Variants in DNAH2 observed in about 807,000 individuals in gnomAD.
DNAH2 encodes the protein dynein axonemal heavy chain 2, also known as axonemal beta dynein heavy chain 2.
A neutral mutation model predicts 523.5 loss-of-function variants in DNAH2; 323 were observed. The ratio of observed to expected loss-of-function variants is 0.62; its 90% CI spans 0.56 to 0.68. The LOEUF (loss-of-function observed/expected upper bound fraction) is 0.68, where lower values mean the gene tolerates loss of function less well. Ranked by LOEUF, DNAH2 falls within the 30% of genes least tolerant of loss-of-function variation. The pLI, the probability that DNAH2 is intolerant of heterozygous loss-of-function variation, is 0.00. For missense variants in DNAH2, 4,907 were observed against 5,701.5 expected, an observed-to-expected ratio of 0.86 and a Z score of 4.49; for synonymous variants, 2,093 against 2,177.4, an observed-to-expected ratio of 0.96 and a Z score of 1.08.
intron 63 of DNAH2, among the ~76,000 whole-genome samples, chr17:7,809,989 A>G (rs1323182564): frequency 6.6e-6 from 1 of 150,926 alleles, no homozygotes. Flanking sequence ...GTGCCCCGAA[A>G]TGTACCTTCC....
In DNAH2 at chr17:7,810,937, C is replaced by T. The variant is rs913667342; in HGVS notation, c.9729+3351C>T. Among the ~76,000 whole-genome samples, 12 of 152,330 alleles carry T rather than the reference C, an allele frequency of 7.9e-5. No homozygotes were observed. The South Asian group carries it at 2.5e-3, about 32-fold the overall frequency. Reference sequence around the variant, plus strand: ...ATAGCTTTAGCCATTACTCACTTGTCAGCTAGTTCTGATATACAACAAGGG... The same window carrying T: ...ATAGCTTTAGCCATTACTCACTTGTTAGCTAGTTCTGATATACAACAAGGG... On this transcript the variant is annotated intron_variant, in intron 63 of 85. Transcript: ENST00000572933.
chr17:7,734,220 C>T lies in DNAH2; in HGVS notation c.666C>T (p.Tyr222=). The T allele has an allele frequency of 1.9e-6, 3 of 1,605,132 alleles. No individual in the cohort carries two copies. The highest frequency in any genetic ancestry group is 2.6e-6 in the Non-Finnish European group (3 of 1,175,504). ...RYKLEGHTVL[Y]IPAEAMNMKP... is the part of the protein sequence containing the mutation. ...AACTGGAGGGGCACACGGTCCTCTA[C>T]ATCCCTGCAGAGGCCATGAACATGA... The change falls in exon 6 of 86, where the codon TAC becomes TAT. Residue 222 remains tyrosine (Y), a synonymous_variant. Transcript: ENST00000572933.
In DNAH2 at chr17:7,833,718, T is replaced by C. The variant is rs1266371740; in HGVS notation, c.*185T>C. On this transcript the variant is annotated 3_prime_UTR_variant, in exon 86 of 86. Transcript: ENST00000572933. ...GTGAAAGAGTTGTATTGGAGCTCAG[T>C]GCTGTAAAACACCCGCGACAACAAG... The C allele has an allele frequency of 3.6e-6, 3 of 824,046 alleles. No homozygotes were observed. Among genetic ancestry groups the C allele is most frequent in the Admixed American group, 4.0e-5 (2 of 49,858 alleles). 51.0% of individuals were successfully genotyped at this position (824,046 alleles called of 1,614,324 possible).
At chr17:7,772,839 T>C (rs1291273115) in intron 28 of DNAH2, among the ~76,000 whole-genome samples, 1 of 152,194 alleles carries the variant, frequency 6.6e-6, no homozygotes, top group African/African-American at 2.4e-5. Context: ...AATGGAATGA[T>C]CTAAGGTCAC....
intron 12 of DNAH2, among the ~76,000 whole-genome samples, chr17:7,753,640 G>A (rs1211887681): frequency 6.6e-6 from 1 of 152,126 alleles, no homozygotes; most frequent in Non-Finnish European, 1.5e-5. Context: ...GTGGGGTGTA[G>A]TCTACCATGT....
chr17:7,762,557 A>G (rs1334268654), intron 18 of DNAH2, among the ~76,000 whole-genome samples: 1 of 151,928 alleles, frequency 6.6e-6, no homozygotes, highest in Non-Finnish European at 1.5e-5. Context: ...GATGGTCTCA[A>G]TCTCCTGACC....
rs765677227 is a variant in DNAH2, at chr17:7,818,782, GC to G, written c.10670+9del. ...CTGGAGGATGAGATCCTGCGGTGAG[GC>G]CCTGCCTTCCCCTCCCACTGCCCCA... On this transcript the variant is annotated splice_region_variant and intron_variant, in intron 70 of 85. Transcript: ENST00000572933. The G allele has an allele frequency of 1.2e-6, 2 of 1,613,900 alleles. No homozygotes were observed. Among genetic ancestry groups the G allele is most frequent in the African/African-American group, 1.3e-5 (1 of 74,972 alleles).
chr17:7,769,956 G>T (rs1027988186), intron 24 of DNAH2, among the ~76,000 whole-genome samples: 30 of 152,280 alleles, frequency 2.0e-4, no homozygotes, highest in African/African-American at 6.7e-4. Context: ...AGAATGATAT[G>T]AGATGTTTCA....
intron 7 of DNAH2, among the ~76,000 whole-genome samples, chr17:7,735,006 C>T (rs1473838176): frequency 6.6e-6 from 1 of 151,992 alleles, no homozygotes; most frequent in Admixed American, 6.6e-5. Context: ...AGCGTGGGAG[C>T]CAAAGATGAG....
In DNAH2 at chr17:7,833,461, G is replaced by A; in HGVS notation, c.13212G>A (p.Leu4404=). The A allele has an allele frequency of 6.2e-7, 1 of 1,614,138 alleles. No individual in the cohort carries two copies. The highest frequency in any genetic ancestry group is 8.5e-7 in the Non-Finnish European group (1 of 1,180,030). ...CCTCCTTTGTCATCGGCATTGACCT[G>A]CGGTCTGGGGCCATGACACCTGATC... The part of the protein sequence containing the change: ...DRASFVIGID[L]RSGAMTPDHW... The change falls in exon 86 of 86, where the codon CTG becomes CTA. Residue 4404 remains leucine, a synonymous_variant. Transcript: ENST00000572933.
rs2078262933 is a variant in DNAH2 at position 7,833,707 on chromosome 17, T to C, written c.*174T>C. On this transcript the variant is annotated 3_prime_UTR_variant, in exon 86 of 86. Coordinates refer to ENST00000572933, the MANE Select transcript of DNAH2 (RefSeq NM_020877.5). ...TAGCCATAAAAGTGAAAGAGTTGTA[T>C]TGGAGCTCAGTGCTGTAAAACACCC... The C allele has an allele frequency of 6.6e-6, 6 of 904,596 alleles. No homozygotes were observed. The highest frequency in any genetic ancestry group is 1.4e-5 in the South Asian group (1 of 70,688). 56.0% of individuals were successfully genotyped at this position (904,596 alleles called of 1,614,324 possible).
At position 7,824,546 on chromosome 17, in the gene DNAH2, T is replaced by C. The variant is rs938523353; in HGVS notation, c.11672T>C (p.Val3891Ala). The change falls in exon 77 of 86, where the codon GTG becomes GCG. Residue 3891 changes from valine to alanine, a missense_variant. Coordinates refer to ENST00000572933, the MANE Select transcript of DNAH2 (RefSeq NM_020877.5). Reference protein sequence around the residue: ...LREGVTQGHWVFLANCHLSLS... With the variant: ...LREGVTQGHWAFLANCHLSLS... The stretch of plus-strand genomic sequence containing the variant: ...TGGCATCTCCTTGCAGGACACTGGG[T>C]GTTCCTGGCAAACTGCCACCTGTCA... 1 of 1,561,490 alleles carries C rather than the reference T, an allele frequency of 6.4e-7. No individual in the cohort carries two copies. Among genetic ancestry groups the C allele is most frequent in the African/African-American group, 1.4e-5 (1 of 73,468 alleles).
chr17:7,779,483 A>G, intron 36 of DNAH2, 60 bp downstream of exon 36: 1 of 1,525,278 alleles, frequency 6.6e-7, no homozygotes, highest in African/African-American at 1.4e-5. Context: ...TTCAGGGGAA[A>G]TAACTGCGCA....
At chr17:7,830,228 G>A in intron 77 of DNAH2, 72 bp from the exon 78 acceptor site, 1 of 1,519,674 alleles carries the variant, frequency 6.6e-7, no homozygotes, top group Non-Finnish European at 9.0e-7. Flanking sequence ...CTCCACAACT[G>A]TACATGGCAG....
intron 5 of DNAH2, 99 bp downstream of exon 5, chr17:7,733,414 AG>A: frequency 9.0e-7 from 1 of 1,107,096 alleles, no homozygotes; most frequent in South Asian, 1.4e-5. Context: ...TGTGTGGAGG[AG>A]GAAGTATTCA....
At chr17:7,774,303 C>T (rs748859464) in intron 28 of DNAH2, among the ~76,000 whole-genome samples, 9 of 152,040 alleles carry the variant, frequency 5.9e-5, no homozygotes, top group Admixed American at 1.3e-4. Context: ...AGCATGGAGA[C>T]GCTGGACAGA....
chr17:7,763,856 C>A lies in DNAH2; in HGVS notation c.3004C>A (p.Gln1002Lys). 4 of 1,614,158 alleles carry A rather than the reference C, an allele frequency of 2.5e-6. No homozygotes were observed. The highest frequency in any genetic ancestry group is 3.4e-6 in the Non-Finnish European group (4 of 1,180,044). ...CTACACGGAAGTTGCTAATAACGTG[C>A]AGAAGGAGGAGACAGTCACCAACAT... is the stretch of plus-strand genomic sequence containing the variant. ...ARYTEVANNV[Q>K]KEETVTNIQF... is the part of the protein sequence containing the mutation. The change falls in exon 19 of 86, where the codon CAG becomes AAG. Residue 1002 changes from glutamine to lysine, a missense_variant. Gln to Lys is a moderately conservative substitution (Grantham distance 53). Around this residue, in one of 3 missense-constraint regions of DNAH2, gnomAD observed 2,806 missense variants for 3,190.8 expected, o/e 0.88. Transcript: ENST00000572933.
At chr17:7,775,691 C>CA (rs1184382847) in intron 30 of DNAH2, among the ~76,000 whole-genome samples, 100 of 82,842 alleles carry the variant, frequency 1.2e-3, no homozygotes, top group African/African-American at 3.0e-3. Context: ...GTCTCAAAAC[C>CA]AAAAAAAAAA....
chr17:7,776,451 G>A (rs141223635), intron 31 of DNAH2, among the ~76,000 whole-genome samples: 3,729 of 152,022 alleles, frequency 0.025, 76 homozygotes, highest in Non-Finnish European at 0.034. Flanking sequence ...GGGTGACAAA[G>A]CAAGACTCTG....
Sources: gnomAD v4.1 joint callset for allele counts (sites outside exome capture counted in the v4.1 genomes callset) on GRCh38, gnomAD v4.1.1 for gene constraint, gnomAD v4.1.1 regional missense constraint, MANE v1.5 for transcripts, NCBI Gene and HGNC (gene_info 2026-07-23, HGNC 2026-07-21) for gene names.